MAP3K5: variants seen among roughly 807,000 people sequenced by gnomAD.
MAP3K5 encodes ASK-1.
In MAP3K5, 56 loss-of-function variants were observed where a neutral mutation model predicts 158.7. That is an observed-to-expected ratio of 0.35 (90% CI 0.28 to 0.44). The LOEUF (loss-of-function observed/expected upper bound fraction) is 0.44, where lower values mean the gene tolerates loss of function less well. Among genes scored for constraint, MAP3K5 ranks in the 20% least tolerant of loss-of-function variants. The pLI, the probability that MAP3K5 is intolerant of heterozygous loss-of-function variation, is 1.00. For missense variants in MAP3K5, 1,294 were observed against 1,674.8 expected (o/e 0.77, Z 3.97); for synonymous variants, 579 against 601.7 (o/e 0.96, Z 0.55).
intron 18 of MAP3K5, among the ~76,000 whole-genome samples, chr6:136,610,056 C>T (rs2129089666): frequency 6.6e-6 from 1 of 152,228 alleles, no homozygotes; most frequent in South Asian, 2.1e-4. Flanking sequence ...TCCCACCTAC[C>T]TCACAGAATT....
chr6:136,772,807 C>T (rs1038299540), intron 1 of MAP3K5, among the ~76,000 whole-genome samples: 1 of 152,172 alleles, frequency 6.6e-6, no homozygotes, highest in Non-Finnish European at 1.5e-5. Flanking sequence ...GTTGAGAAAA[C>T]AAGAAAGGCG....
At chr6:136,651,174 C>G (rs867260507) in intron 10 of MAP3K5, 83 bp from the exon 11 acceptor site, 3 of 658,526 alleles carry the variant, frequency 4.6e-6, no homozygotes, top group African/African-American at 1.8e-5. Context: ...CCAGCACCAA[C>G]GTAGAGGATT....
chr6:136,789,943 T>C (rs1785001578), intron 1 of MAP3K5, among the ~76,000 whole-genome samples: 1 of 151,992 alleles, frequency 6.6e-6, no homozygotes, highest in Non-Finnish European at 1.5e-5. Context: ...CCACCCGCCT[T>C]GGCCTCCGAA....
At chr6:136,653,255 G>C (rs1312675681) in intron 10 of MAP3K5, among the ~76,000 whole-genome samples, 1 of 152,110 alleles carries the variant, frequency 6.6e-6, no homozygotes, top group African/African-American at 2.4e-5. Context: ...ATAAATGATG[G>C]TACCATTCAA....
chr6:136,783,056 C>G (rs1417520660), intron 1 of MAP3K5, among the ~76,000 whole-genome samples: 8 of 152,162 alleles, frequency 5.3e-5, no homozygotes, highest in Admixed American at 5.2e-4. Context: ...GTAATCCCAG[C>G]ACTTTGGGAG....
intron 2 of MAP3K5, among the ~76,000 whole-genome samples, chr6:136,705,423 T>C (rs977759076): frequency 9.2e-5 from 14 of 152,130 alleles, no homozygotes; most frequent in African/African-American, 3.4e-4. Context: ...GCCTCCCAAG[T>C]AGCTAGGACT....
chr6:136,665,087 G>A (rs1204083987), intron 8 of MAP3K5, among the ~76,000 whole-genome samples: 1 of 152,136 alleles, frequency 6.6e-6, no homozygotes, highest in Non-Finnish European at 1.5e-5. Context: ...AGGTACATTT[G>A]TTCCTTTGTG....
intron 24 of MAP3K5, among the ~76,000 whole-genome samples, chr6:136,581,812 T>C (rs1182261989): frequency 6.6e-6 from 1 of 152,206 alleles, no homozygotes; most frequent in East Asian, 1.9e-4. Flanking sequence ...CTGGACATGG[T>C]GGCTCACGCC....
intron 1 of MAP3K5, among the ~76,000 whole-genome samples, chr6:136,738,937 C>A (rs201284165): frequency 5.2e-5 from 6 of 115,852 alleles, no homozygotes; most frequent in Admixed American, 3.9e-4. Flanking sequence ...AACACACACA[C>A]GCGTGCACAC....
At chr6:136,569,316 A>G (rs1464757639) in intron 25 of MAP3K5, among the ~76,000 whole-genome samples, 1 of 152,196 alleles carries the variant, frequency 6.6e-6, no homozygotes, top group African/African-American at 2.4e-5. Context: ...TTCCTGATCC[A>G]TGAGAGATTC....
chr6:136,599,477 C>T (rs1256200532), intron 21 of MAP3K5, among the ~76,000 whole-genome samples: 2 of 122,258 alleles, frequency 1.6e-5, no homozygotes, highest in African/African-American at 8.2e-5. Context: ...CTTAAAGGAT[C>T]TCTCTCTCTC....
chr6:136,678,522 C>T (rs761645905), intron 7 of MAP3K5, among the ~76,000 whole-genome samples: 1 of 151,914 alleles, frequency 6.6e-6, no homozygotes, highest in Non-Finnish European at 1.5e-5. Context: ...ATTAAAAGTG[C>T]AAAACTATCT....
intron 8 of MAP3K5, 40 bp from the exon 9 acceptor site, chr6:136,659,418 C>T: frequency 4.4e-6 from 7 of 1,586,438 alleles, no homozygotes; most frequent in Non-Finnish European, 5.2e-6. Flanking sequence ...CAAATGCACC[C>T]CACACAGGTA....
At chr6:136,759,176 T>A (rs537607703) in intron 1 of MAP3K5, among the ~76,000 whole-genome samples, 64 of 151,968 alleles carry the variant, frequency 4.2e-4, no homozygotes, top group African/African-American at 1.5e-3. Context: ...CTAAAAAAAA[T>A]AAAATAAAAG....
chr6:136,676,195 G>A (rs1448081184), intron 7 of MAP3K5, among the ~76,000 whole-genome samples: 4 of 152,092 alleles, frequency 2.6e-5, no homozygotes, highest in East Asian at 1.9e-4. Flanking sequence ...ATGAATCTCC[G>A]GTACTTGAAT....
chr6:136,562,070 AAT>A (rs1477575602), intron 27 of MAP3K5, among the ~76,000 whole-genome samples: 1 of 152,244 alleles, frequency 6.6e-6, no homozygotes, highest in African/African-American at 2.4e-5. Context: ...AAATGGGCTA[AAT>A]AACATTCTCC....
chr6:136,716,851 A>T (rs1401419677), intron 2 of MAP3K5, among the ~76,000 whole-genome samples: 1 of 152,230 alleles, frequency 6.6e-6, no homozygotes, highest in Non-Finnish European at 1.5e-5. Context: ...GTGTTGTTAC[A>T]ATGCTAAAGA....
In MAP3K5 at chr6:136,609,621, T is replaced by C. The variant is rs202119194; in HGVS notation, c.2521+1661A>G. On this transcript the variant is annotated intron_variant, in intron 18 of 29. Coordinates refer to ENST00000359015, the MANE Select transcript of MAP3K5 (RefSeq NM_005923.4). This position sits in a 1 kb window ranked among gnomAD's most constrained non-coding sequence, Gnocchi z 4.4. The stretch of plus-strand genomic sequence containing the variant: ...CAGCCTGGGCAACATGGTGAAACCC[T>C]GTCTCTACCAAAAATACAAAAAATT... Among the ~76,000 whole-genome samples, 8 of 146,086 alleles carry C rather than the reference T, an allele frequency of 5.5e-5. No homozygotes were observed. In the East Asian group the frequency reaches 1.2e-3, roughly 23 times the overall value.
chr6:136,704,328 C>G (rs6938120), intron 3 of MAP3K5, among the ~76,000 whole-genome samples: 86,810 of 151,912 alleles, frequency 0.57, 25,982 homozygotes, highest in African/African-American at 0.75. Flanking sequence ...ATCTAGAAAA[C>G]CCTGTCATAT....
Sources: allele counts gnomAD v4.1 joint callset (sites outside exome capture counted in the v4.1 genomes callset), GRCh38; gene constraint gnomAD v4.1.1; non-coding constraint Gnocchi (gnomAD v3.1); transcripts MANE v1.5; gene names NCBI Gene and HGNC (gene_info 2026-07-23, HGNC 2026-07-21).